DIS3L2: variants seen among roughly 807,000 people sequenced by gnomAD.
DIS3L2 encodes the protein DIS3 like 3'-5' exoribonuclease 2.
Under a neutral mutation model 97.5 loss-of-function variants are expected in DIS3L2, and 34 were observed. The observed-to-expected ratio is 0.35, with a 90% CI of 0.27 to 0.46. DIS3L2 has a LOEUF of 0.46. Among genes scored for constraint, DIS3L2 ranks in the 20% least tolerant of loss-of-function variants. DIS3L2 has a pLI of 1.00. For missense variants in DIS3L2, 1,038 were observed against 1,146.0 expected, an observed-to-expected ratio of 0.91 and a Z score of 1.36; for synonymous variants, 435 against 445.2, an observed-to-expected ratio of 0.98 and a Z score of 0.29.
chr2:232,205,211 CATATATAT>C (rs57163508), intron 9 of DIS3L2, among the ~76,000 whole-genome samples: 39,692 of 140,558 alleles, frequency 0.28, 6,440 homozygotes, highest in East Asian at 0.72. Context: ...AGGCAGTTTA[CATATATAT>C]ATATATATAT....
intron 6 of DIS3L2, among the ~76,000 whole-genome samples, chr2:232,110,735 A>C (rs1175112054): frequency 6.6e-6 from 1 of 152,158 alleles, no homozygotes; most frequent in Non-Finnish European, 1.5e-5. Context: ...GATCAGGAAA[A>C]ATAGCCAATG....
At chr2:232,095,750 G>A (rs1455887896) in intron 6 of DIS3L2, among the ~76,000 whole-genome samples, 2 of 152,084 alleles carry the variant, frequency 1.3e-5, no homozygotes. Context: ...GACAAGTCTG[G>A]TGTTGATGAA....
At chr2:232,170,798 T>C (rs13405985) in intron 9 of DIS3L2, among the ~76,000 whole-genome samples, 6,936 of 152,178 alleles carry the variant, frequency 0.046, 512 homozygotes, top group African/African-American at 0.15. Flanking sequence ...GTAAGAAATA[T>C]TGAAAAATCT....
At chr2:232,167,345 TTTAC>T (rs1322965450) in intron 9 of DIS3L2, among the ~76,000 whole-genome samples, 2 of 152,154 alleles carry the variant, frequency 1.3e-5, no homozygotes, top group East Asian at 1.9e-4. Context: ...ATATTTTCAT[TTTAC>T]TTACGAAAAG....
At chr2:232,101,721 C>T (rs1697208932) in intron 6 of DIS3L2, among the ~76,000 whole-genome samples, 1 of 152,228 alleles carries the variant, frequency 6.6e-6, no homozygotes. Context: ...TTTAGAGATT[C>T]AAGGATTCTG....
In DIS3L2 at chr2:232,337,136, C is replaced by G. The variant is rs1695986027; in HGVS notation, c.*506C>G. On this transcript the variant is annotated 3_prime_UTR_variant, in exon 21 of 21. Transcript: ENST00000325385. ...ACACGATTCAGAGCTGGCTGCCTGG[C>G]AGATGATTGATACTGGAGTCTCATT... 9.9e-7 allele frequency: 1 copy of G among 1,008,942 alleles called. No individual in the cohort carries two copies. The highest frequency in any genetic ancestry group is 1.7e-5 in the African/African-American group (1 of 57,320). The allele number at this position is 1,008,942 out of a possible 1,614,324, so 62.5% of individuals were successfully genotyped here.
chr2:232,176,391 G>C (rs887725941), intron 9 of DIS3L2, among the ~76,000 whole-genome samples: 4 of 151,402 alleles, frequency 2.6e-5, no homozygotes, highest in Non-Finnish European at 5.9e-5. Context: ...CAATTTTGTT[G>C]ATCTTTTCAC....
intron 13 of DIS3L2, among the ~76,000 whole-genome samples, chr2:232,266,944 G>A (rs1473367823): frequency 6.6e-6 from 1 of 152,180 alleles, no homozygotes; most frequent in Non-Finnish European, 1.5e-5. Flanking sequence ...TTTCCAAGAA[G>A]TCAGTTTACC....
chr2:232,163,638 C>T lies in DIS3L2; in HGVS notation c.1124+6C>T. ...AGCAAGAGAAGGGATTTAAGGTAAG[C>T]ACCTGAAACCCTTTAAGAACGTATA... On this transcript the variant is annotated splice_donor_region_variant and intron_variant, in intron 9 of 20. Transcript: ENST00000325385. 2 of 1,611,972 alleles carry T rather than the reference C, an allele frequency of 1.2e-6. No individual in the cohort carries two copies. The highest frequency in any genetic ancestry group is 1.1e-5 in the South Asian group (1 of 90,762).
chr2:232,160,928 G>GT (rs1177323409), intron 8 of DIS3L2, among the ~76,000 whole-genome samples: 1 of 151,934 alleles, frequency 6.6e-6, no homozygotes, highest in African/African-American at 2.4e-5. Context: ...TTGTTTGTTT[G>GT]TTTTTTTGAG....
Position 232,059,722 on chromosome 2 carries a change from G to T in DIS3L2, c.367-27765G>T, listed in dbSNP as rs187654660. 3.8e-4 allele frequency among the ~76,000 whole-genome samples: 58 copies of T among 152,266 alleles called. No individual in the cohort carries two copies. The East Asian group carries it at 9.9e-3, about 26-fold the overall frequency. On this transcript the variant is annotated intron_variant, in intron 5 of 20. Transcript: ENST00000325385. The stretch of plus-strand genomic sequence containing the variant: ...TTGTTTAGCCCCCACTTATAAGTGA[G>T]AACATGTGGTATTTGGTTTTTTGTT...
At chr2:232,315,030 G>A (rs1463999143) in intron 14 of DIS3L2, among the ~76,000 whole-genome samples, 1 of 152,150 alleles carries the variant, frequency 6.6e-6, no homozygotes, top group Non-Finnish European at 1.5e-5. Flanking sequence ...CAGCTCTCTG[G>A]TCCCTCATGC....
rs77194987 is a variant in DIS3L2 at position 232,209,109 on chromosome 2, C to T, written c.1125-1217C>T. Among the ~76,000 whole-genome samples the T allele has an allele frequency of 2.9e-3, 447 of 152,084 alleles. 1 individual carries two copies. The highest frequency in any genetic ancestry group is 5.2e-3 in the South Asian group (25 of 4,820). On this transcript the variant is annotated intron_variant, in intron 9 of 20. Transcript: ENST00000325385. ...CCAAAAGCTATTACAGAATTGATGGCGCATCTTATAATTAATACTCTCTTA... is the reference window on the plus strand; with the variant it reads ...CCAAAAGCTATTACAGAATTGATGGTGCATCTTATAATTAATACTCTCTTA...
intron 8 of DIS3L2, among the ~76,000 whole-genome samples, chr2:232,157,676 A>T (rs1341145436): frequency 6.6e-6 from 1 of 152,212 alleles, no homozygotes; most frequent in Admixed American, 6.5e-5. Flanking sequence ...ACTGGATGCG[A>T]TCTGATGTGA....
intron 13 of DIS3L2, among the ~76,000 whole-genome samples, chr2:232,298,346 A>C (rs75670999): frequency 6.6e-6 from 1 of 152,246 alleles, no homozygotes; most frequent in Non-Finnish European, 1.5e-5. Context: ...TAAGCAATGC[A>C]GACTCAAAAT....
intron 6 of DIS3L2, among the ~76,000 whole-genome samples, chr2:232,104,511 C>G (rs896431809): frequency 6.6e-6 from 1 of 152,138 alleles, no homozygotes; most frequent in Non-Finnish European, 1.5e-5. Flanking sequence ...GCAACCACTA[C>G]CACTATTTCC....
chr2:232,241,938 G>A (rs1025058919), intron 11 of DIS3L2, among the ~76,000 whole-genome samples: 1 of 152,136 alleles, frequency 6.6e-6, no homozygotes, highest in African/African-American at 2.4e-5. Flanking sequence ...GTGAAAGTTC[G>A]CCCATAAATC....
At position 232,057,825 on chromosome 2, in the gene DIS3L2, G is replaced by A. The variant is rs547699989; in HGVS notation, c.366+27745G>A. The stretch of plus-strand genomic sequence containing the variant: ...TGTCGCATAGAAAACTGACATACTA[G>A]TGAGACTCTGTTTCCTCATCTTGGT... On this transcript the variant is annotated intron_variant, in intron 5 of 20. Coordinates refer to ENST00000325385, the MANE Select transcript of DIS3L2 (RefSeq NM_152383.5). 1.4e-4 allele frequency among the ~76,000 whole-genome samples: 22 copies of A among 152,294 alleles called. No homozygotes were observed. The South Asian group carries it at 4.6e-3, about 32-fold the overall frequency.
At position 232,189,370 on chromosome 2, in the gene DIS3L2, A is replaced by G. The variant is rs548267858; in HGVS notation, c.1125-20956A>G. Reference sequence around the variant, plus strand: ...TGGTTAAGCAAATTGTGGTACATCCATATTACTGAATGGTACTTGGCAACA... The same window carrying G: ...TGGTTAAGCAAATTGTGGTACATCCGTATTACTGAATGGTACTTGGCAACA... On this transcript the variant is annotated intron_variant, in intron 9 of 20. Coordinates refer to ENST00000325385, the MANE Select transcript of DIS3L2 (RefSeq NM_152383.5). Among the ~76,000 whole-genome samples, 9 of 152,372 alleles carry G rather than the reference A, an allele frequency of 5.9e-5. No individual in the cohort carries two copies. The South Asian group carries it at 1.0e-3, about 18-fold the overall frequency.
Sources: gnomAD v4.1 joint callset for allele counts (sites outside exome capture counted in the v4.1 genomes callset) on GRCh38, gnomAD v4.1.1 for gene constraint, MANE v1.5 for transcripts, NCBI Gene and HGNC (gene_info 2026-07-23, HGNC 2026-07-21) for gene names.